The following DMD variants were observed in gnomAD, a reference collection of about 807,000 sequenced individuals.
DMD encodes the protein mutant dystrophin.
Under a neutral mutation model 330.1 loss-of-function variants are expected in DMD, and 63 were observed. That is an observed-to-expected ratio of 0.19 (90% confidence interval 0.16 to 0.24). The LOEUF (loss-of-function observed/expected upper bound fraction) is 0.24. DMD is among the 10% of genes least tolerant of loss of function. The probability of loss-of-function intolerance (pLI) is 1.00; values close to 1 mark genes in which losing one functional copy is unlikely to be tolerated. For missense variants in DMD, 3,344 were observed against 2,684.1 expected (o/e 1.25, Z -5.43); for synonymous variants, 1,223 against 959.8 (o/e 1.27, Z -5.07).
In DMD at chrX:31,627,633, T is replaced by G. The variant is rs924276224; in HGVS notation, c.8217+40A>C. ...GTACAAATGCTGAGAATTGTTCAAT[T>G]GGATCCACAAGAGTGCTAAAGCGGA... is the stretch of plus-strand genomic sequence containing the variant. On this transcript the variant is annotated intron_variant, in intron 55 of 78. Transcript: ENST00000357033. The G allele has an allele frequency of 4.2e-6, 5 of 1,181,547 alleles. No individual in the cohort carries two copies. The Admixed American group carries it at 6.6e-5, about 16-fold the overall frequency.
intron 47 of DMD, among the ~76,000 whole-genome samples, chrX:31,927,853 T>C (rs1160755034): frequency 8.9e-6 from 1 of 111,942 alleles, no homozygotes; most frequent in Non-Finnish European, 1.9e-5. Flanking sequence ...GATGACTCAG[T>C]ATCGTAAAGA....
chrX:32,880,235 AT>A (rs199747063), intron 2 of DMD, among the ~76,000 whole-genome samples: 3,780 of 84,766 alleles, frequency 0.045, 187 homozygotes, highest in African/African-American at 0.15. Flanking sequence ...ACTCCTCAGC[AT>A]TTTTTTTTTT....
chrX:32,930,724 C>T (rs181316319), intron 2 of DMD, among the ~76,000 whole-genome samples: 3 of 110,328 alleles, frequency 2.7e-5, no homozygotes, highest in Admixed American at 9.7e-5. Context: ...AACCCCAATT[C>T]TTCATTTGAT....
chrX:32,639,356 C>G (rs1014860527), intron 11 of DMD, among the ~76,000 whole-genome samples: 8 of 111,226 alleles, frequency 7.2e-5, no homozygotes, highest in Non-Finnish European at 1.3e-4. Context: ...CTCCTACCAT[C>G]CCAAGTGTAT....
intron 55 of DMD, among the ~76,000 whole-genome samples, chrX:31,611,299 C>A (rs772946459): frequency 3.0e-4 from 33 of 110,676 alleles, no homozygotes; most frequent in Middle Eastern, 9.2e-3. Context: ...AGAAACATAT[C>A]TTTTACCTAG....
At chrX:33,035,426 T>C (rs1292509956) in intron 1 of DMD, among the ~76,000 whole-genome samples, 1 of 111,445 alleles carries the variant, frequency 9.0e-6, no homozygotes, top group Non-Finnish European at 1.9e-5. Flanking sequence ...CCACCTAGGA[T>C]TGGGCACTAT....
intron 44 of DMD, among the ~76,000 whole-genome samples, chrX:32,048,546 C>T: frequency 9.1e-6 from 1 of 110,038 alleles, no homozygotes; most frequent in Admixed American, 9.8e-5. Context: ...GCTCAGATGT[C>T]ACACTCTCAG....
In DMD at chrX:32,654,984, C is replaced by T. The variant is rs746588608; in HGVS notation, c.961-9832G>A. Among the ~76,000 whole-genome samples, 13 of 111,475 alleles carry T rather than the reference C, an allele frequency of 1.2e-4. 1 individual carries two copies. In the South Asian group the frequency reaches 2.3e-3, roughly 19 times the overall value. ...ATGGTAGTTTGAATTTCTGTGGGATCGGTGGTGATATCCCCTTTATTATTT... is the reference window on the plus strand; with the variant it reads ...ATGGTAGTTTGAATTTCTGTGGGATTGGTGGTGATATCCCCTTTATTATTT... On this transcript the variant is annotated intron_variant, in intron 9 of 78. Transcript: ENST00000357033.
chrX:33,305,416 G>A (rs1361512061), intron 1 of DMD, among the ~76,000 whole-genome samples: 1 of 81,077 alleles, frequency 1.2e-5, no homozygotes, highest in African/African-American at 4.6e-5. Flanking sequence ...GGGGACTGTT[G>A]TGGGGTGGGG....
chrX:31,324,391 TTG>T (rs1569526336), intron 61 of DMD, among the ~76,000 whole-genome samples: 1 of 96,830 alleles, frequency 1.0e-5, no homozygotes, highest in African/African-American at 4.9e-5. Flanking sequence ...GATCTTTGCA[TTG>T]TTTTTTTTTT....
intron 16 of DMD, among the ~76,000 whole-genome samples, chrX:32,557,239 G>A (rs984481420): frequency 9.0e-6 from 1 of 111,588 alleles, no homozygotes; most frequent in African/African-American, 3.3e-5. Context: ...TATCAGCTAT[G>A]CTCACTTGCT....
intron 1 of DMD, among the ~76,000 whole-genome samples, chrX:33,114,988 C>T (rs1041260213): frequency 8.9e-6 from 1 of 112,196 alleles, no homozygotes; most frequent in Non-Finnish European, 1.9e-5. Flanking sequence ...ATGTTTATAA[C>T]AAGGCAATCA....
chrX:32,259,705 A>G (rs2097314169), intron 43 of DMD, among the ~76,000 whole-genome samples: 1 of 111,784 alleles, frequency 8.9e-6, no homozygotes, highest in South Asian at 3.7e-4. Context: ...AAAAATACTA[A>G]TACTCTGGCT....
At chrX:32,776,287 C>CT (rs1020113902) in intron 7 of DMD, among the ~76,000 whole-genome samples, 2 of 108,600 alleles carry the variant, frequency 1.8e-5, no homozygotes, top group African/African-American at 6.7e-5. Flanking sequence ...TTCTGACCCC[C>CT]CCCCCAAATT....
At chrX:31,530,059 C>A (rs144268734) in intron 55 of DMD, among the ~76,000 whole-genome samples, 1 of 111,877 alleles carries the variant, frequency 8.9e-6, no homozygotes, top group South Asian at 3.7e-4. Context: ...TTTTCCTTTA[C>A]GGAGAAATGA....
At chrX:31,138,686 A>AGGGAGAGAGACTGT in intron 76 of DMD, among the ~76,000 whole-genome samples, 1 of 87,472 alleles carries the variant, frequency 1.1e-5, no homozygotes, top group East Asian at 3.9e-4. Flanking sequence ...AGAGAGAGAG[A>AGGGAGAGAGACTGT]GAAGGGGGAA....
intron 44 of DMD, among the ~76,000 whole-genome samples, chrX:32,104,462 A>G (rs780203133): frequency 9.0e-5 from 10 of 111,327 alleles, no homozygotes; most frequent in South Asian, 7.5e-4. Flanking sequence ...CTAATGCTAA[A>G]TGTGCACAGG....
At chrX:31,785,983 G>A (rs112820480) in intron 50 of DMD, among the ~76,000 whole-genome samples, 13,223 of 111,409 alleles carry the variant, frequency 0.12, 566 homozygotes, top group East Asian at 0.19. Flanking sequence ...GGATGGCTGA[G>A]TTAAATGGTA....
chrX:32,724,911 C>A (rs1245284122), intron 7 of DMD, among the ~76,000 whole-genome samples: 1 of 111,506 alleles, frequency 9.0e-6, no homozygotes, highest in Non-Finnish European at 1.9e-5. Flanking sequence ...AAAAAGAGAG[C>A]TACCAAAACC....
Sources: allele counts gnomAD v4.1 joint callset (sites outside exome capture counted in the v4.1 genomes callset), GRCh38; gene constraint gnomAD v4.1.1; transcripts MANE v1.5; gene names NCBI Gene and HGNC (gene_info 2026-07-23, HGNC 2026-07-21).